The following SAMTOR variants were observed in gnomAD, a reference collection of about 807,000 sequenced individuals.
SAMTOR encodes the protein UPF0532 protein C7orf60.
chr7:112,819,333 C>A, the SAMTOR span: 1 of 152,438 alleles, frequency 6.6e-6, no homozygotes, highest in African/African-American at 2.4e-5. Flanking sequence ...TTGAAACAAC[C>A]AAATTATTTT....
At chr7:112,877,413 G>A in the SAMTOR span, among the ~76,000 whole-genome samples, 4 of 152,072 alleles carry the variant, frequency 2.6e-5, no homozygotes, top group African/African-American at 7.2e-5. Context: ...CCCAAAAAGA[G>A]CATTTGTTTA....
chr7:112,879,202 T>C, the SAMTOR span, among the ~76,000 whole-genome samples: 1 of 148,732 alleles, frequency 6.7e-6, no homozygotes, highest in Non-Finnish European at 1.5e-5. Context: ...GGCAACTAGA[T>C]ATATGGAGGT....
the SAMTOR span, among the ~76,000 whole-genome samples, chr7:112,916,652 T>C: frequency 0.019 from 2,868 of 152,228 alleles, 29 homozygotes; most frequent in Non-Finnish European, 0.025. Context: ...CTGCCTCACT[T>C]GGGAAGCGCA....
chr7:112,860,626 G>A, the SAMTOR span, among the ~76,000 whole-genome samples: 1,623 of 152,120 alleles, frequency 0.011, 30 homozygotes, highest in African/African-American at 0.037. Flanking sequence ...AGATTTGCCA[G>A]GCGCCGTGGC....
the SAMTOR span, among the ~76,000 whole-genome samples, chr7:112,900,129 T>C: frequency 6.6e-6 from 1 of 152,174 alleles, no homozygotes; most frequent in Non-Finnish European, 1.5e-5. Context: ...TACATATATA[T>C]ATATATAAAC....
chr7:112,906,114 C>A, the SAMTOR span, among the ~76,000 whole-genome samples: 1 of 152,112 alleles, frequency 6.6e-6, no homozygotes, highest in African/African-American at 2.4e-5. Flanking sequence ...TCATGTGTTG[C>A]TTAACAATGG....
the SAMTOR span, among the ~76,000 whole-genome samples, chr7:112,833,592 G>A: frequency 2.6e-5 from 4 of 152,118 alleles, no homozygotes; most frequent in Non-Finnish European, 5.9e-5. Context: ...GCTAAATTCT[G>A]TAGTATAGAT....
At chr7:112,855,184 C>G in the SAMTOR span, among the ~76,000 whole-genome samples, 497 of 152,236 alleles carry the variant, frequency 3.3e-3, 2 homozygotes, top group Middle Eastern at 0.021. Context: ...CTTTCTATAT[C>G]TAATATAGAA....
the SAMTOR span, among the ~76,000 whole-genome samples, chr7:112,840,333 C>T: frequency 2.6e-5 from 4 of 152,014 alleles, no homozygotes; most frequent in African/African-American, 9.6e-5. Flanking sequence ...ATTCTGTTAA[C>T]CACATAAATT....
At chr7:112,831,245 A>C in the SAMTOR span, among the ~76,000 whole-genome samples, 4 of 152,228 alleles carry the variant, frequency 2.6e-5, no homozygotes, top group Admixed American at 2.6e-4. Context: ...ATAATGAATT[A>C]ATGTTATTCT....
chr7:112,904,449 C>A, the SAMTOR span, among the ~76,000 whole-genome samples: 10 of 152,018 alleles, frequency 6.6e-5, no homozygotes, highest in Admixed American at 2.0e-4. Context: ...GGTCAGAGGG[C>A]AAATACTAAT....
At chr7:112,914,723 A>G in the SAMTOR span, among the ~76,000 whole-genome samples, 1 of 152,206 alleles carries the variant, frequency 6.6e-6, no homozygotes, top group Non-Finnish European at 1.5e-5. Context: ...TTAAATCATT[A>G]TATTTAAATG....
chr7:112,845,006 A>C, the SAMTOR span, among the ~76,000 whole-genome samples: 1 of 151,684 alleles, frequency 6.6e-6, no homozygotes, highest in Non-Finnish European at 1.5e-5. Context: ...AAGGACACTG[A>C]ATAAATGGTG....
At chr7:112,902,272 A>ATG in the SAMTOR span, among the ~76,000 whole-genome samples, 5 of 151,808 alleles carry the variant, frequency 3.3e-5, no homozygotes, top group African/African-American at 1.2e-4. Context: ...ATGGTGGCGC[A>ATG]TGCCTGTAAT....
chr7:112,938,780 A>G, the SAMTOR span, among the ~76,000 whole-genome samples: 1 of 152,222 alleles, frequency 6.6e-6, no homozygotes, highest in Non-Finnish European at 1.5e-5. Flanking sequence ...AACACTCTTC[A>G]GGCACAGGCA....
the SAMTOR span, chr7:112,819,742 A>G: frequency 1.4e-4 from 21 of 152,582 alleles, 1 homozygote; most frequent in East Asian, 1.4e-3. Context: ...TAGCACCAAC[A>G]TTTTCGCTGT....
the SAMTOR span, among the ~76,000 whole-genome samples, chr7:112,931,557 T>C: frequency 6.6e-6 from 1 of 152,234 alleles, no homozygotes; most frequent in Non-Finnish European, 1.5e-5. Flanking sequence ...GGTGGGTCTA[T>C]GACCACACAG....
the SAMTOR span, among the ~76,000 whole-genome samples, chr7:112,899,987 G>A: frequency 6.6e-6 from 1 of 152,010 alleles, no homozygotes; most frequent in Non-Finnish European, 1.5e-5. Flanking sequence ...TCATCTGAAA[G>A]TATAATATAA....
At chr7:112,927,108 T>C in the SAMTOR span, among the ~76,000 whole-genome samples, 2 of 152,150 alleles carry the variant, frequency 1.3e-5, no homozygotes, top group East Asian at 3.9e-4. Flanking sequence ...AAAATAATGG[T>C]ATTTAAATTT....
Sources: gnomAD v4.1 joint callset for allele counts (sites outside exome capture counted in the v4.1 genomes callset) on GRCh38, gnomAD v4.1.1 for gene constraint, MANE v1.5 for transcripts, NCBI Gene and HGNC (gene_info 2026-07-23, HGNC 2026-07-21) for gene names.